WDFY4: variants seen among roughly 807,000 people sequenced by gnomAD.
The protein encoded by WDFY4 is WDFY family member 4.
In WDFY4, 169 loss-of-function variants were observed where a neutral mutation model predicts 351.9. The ratio of observed to expected loss-of-function variants is 0.48; its 90% CI spans 0.42 to 0.55. The LOEUF is 0.55. Ranked by LOEUF, WDFY4 falls within the 20% of genes least tolerant of loss-of-function variation. The probability of loss-of-function intolerance (pLI) is 0.00; values close to 1 mark genes in which losing one functional copy is unlikely to be tolerated. For missense variants in WDFY4, 3,803 were observed against 3,935.6 expected (o/e 0.97, Z 0.90); for synonymous variants, 1,622 against 1,574.6 (o/e 1.03, Z -0.71).
chr10:48,921,618 G>T (rs957675496), intron 47 of WDFY4, among the ~76,000 whole-genome samples: 1 of 149,416 alleles, frequency 6.7e-6, no homozygotes, highest in Non-Finnish European at 1.5e-5. Context: ...AAAAAAAAAC[G>T]TTGAGCATGA....
rs925135281 is a variant in WDFY4 at position 48,786,619 on chromosome 10, T to C, written c.3577-20T>C. ...TCTGAGATCAAACACTACTCACTCT[T>C]GTCCTTTTTATTTTAACAGATGTTA... On this transcript the variant is annotated intron_variant, in intron 19 of 61. Coordinates refer to ENST00000325239, the MANE Select transcript of WDFY4 (RefSeq NM_001394531.1). 1.4e-5 allele frequency: 22 copies of C among 1,539,240 alleles called. No homozygotes were observed. Among genetic ancestry groups the C allele is most frequent in the Non-Finnish European group, 1.8e-5 (21 of 1,138,620 alleles).
At chr10:48,957,626 C>T (rs1026405798) in intron 52 of WDFY4, among the ~76,000 whole-genome samples, 9 of 152,240 alleles carry the variant, frequency 5.9e-5, no homozygotes, top group Non-Finnish European at 1.3e-4. Flanking sequence ...CTTGGGCAAG[C>T]TCCTGGCCCC....
intron 24 of WDFY4, among the ~76,000 whole-genome samples, chr10:48,800,168 G>A (rs527306089): frequency 1.3e-5 from 2 of 152,344 alleles, no homozygotes; most frequent in African/African-American, 4.8e-5. Context: ...ACAAGCGTGA[G>A]CCACCGCGCC....
chr10:48,837,055 G>A (rs559617404), intron 39 of WDFY4, among the ~76,000 whole-genome samples: 21 of 152,114 alleles, frequency 1.4e-4, no homozygotes, highest in African/African-American at 5.1e-4. Flanking sequence ...ACAGGTGAAG[G>A]GTAGATGAAA....
At chr10:48,904,544 G>C (rs1210385906) in intron 47 of WDFY4, among the ~76,000 whole-genome samples, 8 of 152,174 alleles carry the variant, frequency 5.3e-5, no homozygotes, top group Non-Finnish European at 1.0e-4. Flanking sequence ...TCTGCAGGAA[G>C]TGGTGGCTCT....
intron 47 of WDFY4, among the ~76,000 whole-genome samples, chr10:48,939,430 G>A (rs1379923915): frequency 6.6e-6 from 1 of 152,154 alleles, no homozygotes; most frequent in African/African-American, 2.4e-5. Flanking sequence ...CTTGCTCGGG[G>A]CCCCCCATTT....
intron 43 of WDFY4, among the ~76,000 whole-genome samples, chr10:48,881,773 C>A (rs756338279): frequency 1.3e-5 from 2 of 152,146 alleles, no homozygotes; most frequent in Non-Finnish European, 2.9e-5. Flanking sequence ...TCTCCTCCCC[C>A]TCACACCTCC....
At chr10:48,707,964 A>G (rs976343143) in intron 1 of WDFY4, among the ~76,000 whole-genome samples, 2 of 152,156 alleles carry the variant, frequency 1.3e-5, no homozygotes, top group Admixed American at 1.3e-4. Flanking sequence ...ATCCCCCACA[A>G]AACCCCATCC....
chr10:48,692,033 T>A (rs367826182), intron 1 of WDFY4, among the ~76,000 whole-genome samples: 1 of 152,000 alleles, frequency 6.6e-6, no homozygotes, highest in Non-Finnish European at 1.5e-5. Flanking sequence ...ATTAAAAGGG[T>A]GATGAAGCCC....
Position 48,805,422 on chromosome 10 carries a change from G to A in WDFY4, c.4646+1G>A, listed in dbSNP as rs1473123366. ...ACTTCAGCACCCAGGACTTGCTCAG[G>A]TACCACACCAAGCTGCCCAGGGGGA... On this transcript the variant is annotated splice_donor_variant, in intron 26 of 61. Transcript: ENST00000325239. LOFTEE classifies it high-confidence loss of function. 2 of 1,547,682 alleles carry A rather than the reference G, an allele frequency of 1.3e-6. No homozygotes were observed. The highest frequency in any genetic ancestry group is 8.7e-7 in the Non-Finnish European group (1 of 1,146,968).
At chr10:48,924,922 G>A (rs980278378) in intron 47 of WDFY4, among the ~76,000 whole-genome samples, 8 of 152,164 alleles carry the variant, frequency 5.3e-5, no homozygotes, top group Non-Finnish European at 1.0e-4. Flanking sequence ...TAAATAGCTT[G>A]CTAACACAAT....
At chr10:48,714,549 T>C (rs1207107437) in intron 2 of WDFY4, among the ~76,000 whole-genome samples, 2 of 152,208 alleles carry the variant, frequency 1.3e-5, no homozygotes, top group East Asian at 1.9e-4. Flanking sequence ...TCCCATCGTA[T>C]GGTCTCACAC....
intron 2 of WDFY4, among the ~76,000 whole-genome samples, chr10:48,712,984 A>G (rs2063806401): frequency 1.3e-5 from 2 of 152,220 alleles, no homozygotes; most frequent in South Asian, 2.1e-4. Context: ...GCTCAACTCT[A>G]TACCTGACTC....
At chr10:48,852,434 C>A (rs563199512) in intron 39 of WDFY4, among the ~76,000 whole-genome samples, 1 of 152,234 alleles carries the variant, frequency 6.6e-6, no homozygotes, top group African/African-American at 2.4e-5. Context: ...GTGCCCTGTG[C>A]CTGTTAGTTA....
chr10:48,913,693 G>C (rs1056830264), intron 47 of WDFY4: 1 of 1,613,024 alleles, frequency 6.2e-7, no homozygotes, highest in South Asian at 1.1e-5. Flanking sequence ...TTGTTCAGTA[G>C]GTTGTCATGG....
intron 31 of WDFY4, among the ~76,000 whole-genome samples, chr10:48,814,363 G>A (rs905188914): frequency 1.3e-5 from 2 of 152,170 alleles, no homozygotes; most frequent in African/African-American, 4.8e-5. Flanking sequence ...TCAGTCAAAG[G>A]GAACATTTCT....
Position 48,731,140 on chromosome 10 carries a change from A to T in WDFY4, c.1160A>T (p.Gln387Leu). The part of the protein sequence containing the change: ...GVTVKNLQAF[Q>L]VLQNVFHKAS... ...ACTGTTAAGAATCTTCAGGCCTTCC[A>T]GGTCCTACAGAATGTTTTCCACAAA... is the stretch of plus-strand genomic sequence containing the variant. The change falls in exon 9 of 62, where the codon CAG (glutamine) becomes CTG (leucine). Residue 387 changes from glutamine to leucine, a missense_variant. Around this residue, in one of 3 missense-constraint regions of WDFY4, gnomAD observed 488 missense variants for 456.8 expected, o/e 1.07. Transcript: ENST00000325239. 1 of 1,549,178 alleles carries T rather than the reference A, an allele frequency of 6.5e-7. No individual in the cohort carries two copies. Among genetic ancestry groups the T allele is most frequent in the Non-Finnish European group, 8.7e-7 (1 of 1,145,050 alleles).
chr10:48,766,149 A>G (rs1029352422), intron 13 of WDFY4, among the ~76,000 whole-genome samples: 2 of 152,192 alleles, frequency 1.3e-5, no homozygotes, highest in African/African-American at 2.4e-5. Context: ...TTAAATTATA[A>G]CACATTGGAC....
chr10:48,900,278 A>G lies in WDFY4; in HGVS notation c.7495A>G (p.Asn2499Asp). The G allele has an allele frequency of 6.4e-7, 1 of 1,551,722 alleles. No individual in the cohort carries two copies. Among genetic ancestry groups the G allele is most frequent in the Non-Finnish European group, 8.7e-7 (1 of 1,146,978 alleles). ...ATATTCCAAGTTTCTTGTCTTCTAC[A>G]ACAATGATCGGAGTAAGGCCTTTAA... ...NGYSKFLVFYNNDRSKAFKSF... is the reference protein window; with the variant it reads ...NGYSKFLVFYDNDRSKAFKSF... Residue 2499 changes from asparagine to aspartate, a missense_variant, in exon 46 of 62, where the codon AAC becomes GAC. By Grantham distance (23) the Asn-to-Asp change is conservative. Transcript: ENST00000325239.
Sources: allele counts gnomAD v4.1 joint callset (sites outside exome capture counted in the v4.1 genomes callset), GRCh38; gene constraint gnomAD v4.1.1; regional missense constraint gnomAD v4.1.1; transcripts MANE v1.5; gene names NCBI Gene and HGNC (gene_info 2026-07-23, HGNC 2026-07-21).